The following ZFPM2 variants were observed in gnomAD, a reference collection of about 807,000 sequenced individuals.
The protein encoded by ZFPM2 is zinc finger protein ZFPM2.
A neutral mutation model predicts 98.6 loss-of-function variants in ZFPM2; 20 were observed. The ratio of observed to expected loss-of-function variants is 0.20; its 90% CI spans 0.14 to 0.29. ZFPM2 has a LOEUF of 0.29. Among genes scored for constraint, ZFPM2 ranks in the 10% least tolerant of loss-of-function variants. The pLI is 1.00. For synonymous variants in ZFPM2, 518 were observed against 502.7 expected (o/e 1.03, Z -0.41); for missense variants, 1,310 against 1,388.6 (o/e 0.94, Z 0.90).
chr8:105,615,022 T>C (rs1399265721), intron 4 of ZFPM2, among the ~76,000 whole-genome samples: 3 of 152,252 alleles, frequency 2.0e-5, no homozygotes, highest in African/African-American at 7.2e-5. Context: ...TGTTGTAGAA[T>C]AGTGTGATTT....
At chr8:105,702,021 T>C (rs898784246) in intron 5 of ZFPM2, among the ~76,000 whole-genome samples, 2 of 152,186 alleles carry the variant, frequency 1.3e-5, no homozygotes, top group African/African-American at 4.8e-5. Context: ...TTGTGTGACA[T>C]TTCACAAATA....
intron 3 of ZFPM2, among the ~76,000 whole-genome samples, chr8:105,537,654 C>A (rs1286256205): frequency 6.6e-6 from 1 of 151,994 alleles, no homozygotes; most frequent in Non-Finnish European, 1.5e-5. Flanking sequence ...TGCATTTCAG[C>A]CTGGGCAACA....
chr8:105,386,501 A>T (rs1268594226), intron 1 of ZFPM2, among the ~76,000 whole-genome samples: 1 of 151,742 alleles, frequency 6.6e-6, no homozygotes, highest in Non-Finnish European at 1.5e-5. Flanking sequence ...GTTCCTTCTG[A>T]TGTTTGGATG....
chr8:105,339,997 AT>A (rs1008980972), intron 1 of ZFPM2, among the ~76,000 whole-genome samples: 7 of 151,834 alleles, frequency 4.6e-5, no homozygotes, highest in Non-Finnish European at 8.8e-5. Context: ...AAAATATTGT[AT>A]TTTCGTTTAT....
Position 105,801,232 on chromosome 8 carries a change from C to T in ZFPM2, c.1150C>T (p.Leu384Phe). 6.2e-7 allele frequency: 1 copy of T among 1,613,996 alleles called. No individual in the cohort carries two copies. The highest frequency in any genetic ancestry group is 8.5e-7 in the Non-Finnish European group (1 of 1,179,888). Residue 384 changes from leucine (L) to phenylalanine (F), a missense_variant, in exon 8 of 8, where the codon CTC becomes TTC. Transcript: ENST00000407775. ...GAGGGAGTTATTGCAGCACCAGGAG[C>T]TCCATGTCCCTAGCGGCAAACTTCC... ...TQRELLQHQE[L>F]HVPSGKLPRE...
intron 5 of ZFPM2, among the ~76,000 whole-genome samples, chr8:105,753,133 G>A (rs1812515737): frequency 6.6e-6 from 1 of 152,124 alleles, no homozygotes; most frequent in African/African-American, 2.4e-5. Flanking sequence ...ACCAAACAAA[G>A]GGGCTGGAGG....
intron 3 of ZFPM2, among the ~76,000 whole-genome samples, chr8:105,477,156 T>G (rs1374561277): frequency 6.6e-6 from 1 of 152,066 alleles, no homozygotes; most frequent in Non-Finnish European, 1.5e-5. Context: ...TTTTCAAGAA[T>G]TTTGGAAATT....
At chr8:105,755,191 AT>A (rs1258556239) in intron 5 of ZFPM2, among the ~76,000 whole-genome samples, 1 of 152,122 alleles carries the variant, frequency 6.6e-6, no homozygotes, top group African/African-American at 2.4e-5. Context: ...CTTCATAATG[AT>A]TTTATTGACA....
intron 1 of ZFPM2, among the ~76,000 whole-genome samples, chr8:105,346,586 A>G (rs1485163195): frequency 6.6e-6 from 1 of 152,174 alleles, no homozygotes; most frequent in Non-Finnish European, 1.5e-5. Flanking sequence ...AAAAGGAAGG[A>G]AAACTTTCAT....
At chr8:105,546,392 C>T (rs1814698198) in intron 3 of ZFPM2, among the ~76,000 whole-genome samples, 1 of 151,720 alleles carries the variant, frequency 6.6e-6, no homozygotes, top group Non-Finnish European at 1.5e-5. Flanking sequence ...GCCTGATCAA[C>T]ATGGAGAAAC....
At chr8:105,765,804 A>C (rs889087783) in intron 5 of ZFPM2, among the ~76,000 whole-genome samples, 1 of 151,980 alleles carries the variant, frequency 6.6e-6, no homozygotes, top group African/African-American at 2.4e-5. Context: ...GCAGATAGAT[A>C]GGTTTTACAA....
intron 6 of ZFPM2, among the ~76,000 whole-genome samples, chr8:105,792,736 C>T (rs1250350388): frequency 1.3e-5 from 2 of 152,240 alleles, no homozygotes; most frequent in South Asian, 2.1e-4. Flanking sequence ...CTTTGTAGGT[C>T]ACTCACGACT....
At chr8:105,433,594 T>G (rs1812061829) in intron 2 of ZFPM2, among the ~76,000 whole-genome samples, 1 of 152,122 alleles carries the variant, frequency 6.6e-6, no homozygotes, top group South Asian at 2.1e-4. Flanking sequence ...GAGACCATCC[T>G]GGCTAACACA....
intron 5 of ZFPM2, among the ~76,000 whole-genome samples, chr8:105,690,546 T>C (rs1292720797): frequency 6.6e-6 from 1 of 152,160 alleles, no homozygotes; most frequent in East Asian, 1.9e-4. Flanking sequence ...GTTCATTCTC[T>C]AGCCATGTAG....
At chr8:105,486,880 T>C (rs1813239587) in intron 3 of ZFPM2, among the ~76,000 whole-genome samples, 1 of 152,238 alleles carries the variant, frequency 6.6e-6, no homozygotes, top group Non-Finnish European at 1.5e-5. Flanking sequence ...ATTAGTTGGA[T>C]GCTTAGCAAG....
chr8:105,579,574 A>G (rs16873415), intron 4 of ZFPM2, among the ~76,000 whole-genome samples: 82,069 of 151,902 alleles, frequency 0.54, 23,905 homozygotes, highest in African/African-American at 0.78. Context: ...TCTTTAGTCA[A>G]TCATCCACTA....
At chr8:105,611,218 C>T (rs1816301754) in intron 4 of ZFPM2, among the ~76,000 whole-genome samples, 1 of 152,028 alleles carries the variant, frequency 6.6e-6, no homozygotes, top group Non-Finnish European at 1.5e-5. Context: ...ACTGGAGAGA[C>T]TTAAAAATAA....
At chr8:105,597,013 T>C (rs1161195182) in intron 4 of ZFPM2, among the ~76,000 whole-genome samples, 1 of 152,018 alleles carries the variant, frequency 6.6e-6, no homozygotes, top group African/African-American at 2.4e-5. Flanking sequence ...TTCAGGCTTA[T>C]ACATTTGTGT....
intron 3 of ZFPM2, among the ~76,000 whole-genome samples, chr8:105,553,886 G>T (rs559770155): frequency 7.9e-5 from 12 of 151,820 alleles, no homozygotes; most frequent in African/African-American, 2.4e-4. Flanking sequence ...AAGTTCATGC[G>T]CCGGATAAGG....
Sources: gnomAD v4.1 joint callset for allele counts (sites outside exome capture counted in the v4.1 genomes callset) on GRCh38, gnomAD v4.1.1 for gene constraint, MANE v1.5 for transcripts, NCBI Gene and HGNC (gene_info 2026-07-23, HGNC 2026-07-21) for gene names.